Variants in ARID4B observed in about 807,000 individuals in gnomAD.
The protein encoded by ARID4B is AT-rich interaction domain 4B.
A neutral mutation model predicts 147.5 loss-of-function variants in ARID4B; 26 were observed. The observed-to-expected ratio is 0.18, with a 90% CI of 0.13 to 0.24. The LOEUF is 0.24. Among genes scored for constraint, ARID4B ranks in the 10% least tolerant of loss-of-function variants. The probability of loss-of-function intolerance (pLI) is 1.00; values close to 1 mark genes in which losing one functional copy is unlikely to be tolerated. For missense variants in ARID4B, 1,179 were observed against 1,511.5 expected (o/e 0.78, Z 3.65); for synonymous variants, 512 against 507.9 (o/e 1.01, Z -0.11).
rs539055487 is a variant in ARID4B at position 235,185,881 on chromosome 1, C to T, written c.2126-3088G>A. On this transcript the variant is annotated intron_variant, in intron 19 of 23. Coordinates refer to ENST00000264183, the MANE Select transcript of ARID4B (RefSeq NM_016374.6). ...TTTATAATTTCATAATGATGTACTACGGTATGACTCTATTAATTTATTCGG... is the reference window on the plus strand; with the variant it reads ...TTTATAATTTCATAATGATGTACTATGGTATGACTCTATTAATTTATTCGG... Among the ~76,000 whole-genome samples, 23 of 150,372 alleles carry T rather than the reference C, an allele frequency of 1.5e-4. No individual in the cohort carries two copies. In the South Asian group the frequency reaches 2.3e-3, roughly 15 times the overall value.
intron 2 of ARID4B, among the ~76,000 whole-genome samples, chr1:235,281,192 G>C (rs1019603191): frequency 6.6e-6 from 1 of 152,118 alleles, no homozygotes; most frequent in Non-Finnish European, 1.5e-5. Context: ...AGGCCAAGGC[G>C]GGTGGATCAC....
chr1:235,316,615 G>C (rs957196838), intron 2 of ARID4B, among the ~76,000 whole-genome samples: 2 of 150,686 alleles, frequency 1.3e-5, no homozygotes, highest in African/African-American at 4.9e-5. Flanking sequence ...TCTGGAGTTC[G>C]AGAGACCAGC....
At chr1:235,209,517 A>G (rs1666553138) in intron 17 of ARID4B, among the ~76,000 whole-genome samples, 1 of 152,122 alleles carries the variant, frequency 6.6e-6, no homozygotes, top group Admixed American at 6.6e-5. Flanking sequence ...TTAGAAAAAA[A>G]AGAAAAATGT....
Position 235,196,024 on chromosome 1 carries a change from C to CACT in ARID4B, c.1926+4_1926+6dup, listed in dbSNP as rs1233089480. 1 of 1,570,340 alleles carries CACT rather than the reference C, an allele frequency of 6.4e-7. No homozygotes were observed. The highest frequency in any genetic ancestry group is 1.8e-5 in the Admixed American group (1 of 54,752). ...GCTAATAGTGTGTAGTAAAAACAAG[C>CACT]ACTTACCTTTATTTTCTTCCGATGT... On this transcript the variant is annotated splice_region_variant and intron_variant, in intron 18 of 23. Transcript: ENST00000264183.
chr1:235,295,372 T>C (rs1053450070), intron 2 of ARID4B, among the ~76,000 whole-genome samples: 1 of 151,780 alleles, frequency 6.6e-6, no homozygotes, highest in Admixed American at 6.6e-5. Flanking sequence ...TAGCCAGGCA[T>C]GGTGGCACGT....
chr1:235,205,577 G>C (rs1323043097), intron 17 of ARID4B, among the ~76,000 whole-genome samples: 1 of 152,086 alleles, frequency 6.6e-6, no homozygotes, highest in Non-Finnish European at 1.5e-5. Flanking sequence ...TGTTTCTTTG[G>C]AAATAACATC....
At chr1:235,171,466 A>G (rs917375426) in intron 23 of ARID4B, among the ~76,000 whole-genome samples, 2 of 152,122 alleles carry the variant, frequency 1.3e-5, no homozygotes, top group Non-Finnish European at 2.9e-5. Flanking sequence ...TTTGATTTGC[A>G]TTTCTTTGGT....
intron 2 of ARID4B, among the ~76,000 whole-genome samples, chr1:235,293,626 T>C (rs531646854): frequency 2.7e-5 from 4 of 147,820 alleles, no homozygotes; most frequent in Admixed American, 6.9e-5. Context: ...TTTAACTATA[T>C]AGAATATTCT....
chr1:235,168,691 A>C, intron 23 of ARID4B, 39 bp from the exon 24 acceptor site: 1 of 1,590,876 alleles, frequency 6.3e-7, no homozygotes. Flanking sequence ...CTTAATAAAA[A>C]TTTATGTCTA....
At chr1:235,275,016 T>C (rs975897791) in intron 2 of ARID4B, among the ~76,000 whole-genome samples, 3 of 151,940 alleles carry the variant, frequency 2.0e-5, no homozygotes, top group Non-Finnish European at 4.4e-5. Context: ...TGTGTGTGTG[T>C]GTGTGTGCAC....
intron 2 of ARID4B, among the ~76,000 whole-genome samples, chr1:235,297,669 G>A (rs13374466): frequency 0.04 from 6,060 of 151,984 alleles, 450 homozygotes; most frequent in African/African-American, 0.14. Flanking sequence ...CCTCATGATG[G>A]TAACTAATAG....
intron 7 of ARID4B, among the ~76,000 whole-genome samples, chr1:235,244,117 G>C (rs538397493): frequency 6.6e-6 from 1 of 152,274 alleles, no homozygotes; most frequent in South Asian, 2.1e-4. Flanking sequence ...CTGCAGGCCT[G>C]TATTTAAATA....
chr1:235,321,012 T>C (rs941591211), intron 2 of ARID4B, among the ~76,000 whole-genome samples: 2 of 152,184 alleles, frequency 1.3e-5, no homozygotes, highest in African/African-American at 4.8e-5. Context: ...TCCACCATAG[T>C]AGAAAGTAAA....
intron 16 of ARID4B, among the ~76,000 whole-genome samples, chr1:235,217,944 C>A (rs2103018174): frequency 6.6e-6 from 1 of 152,238 alleles, no homozygotes; most frequent in East Asian, 1.9e-4. Flanking sequence ...TTTTCCTATA[C>A]ATACATACCT....
intron 2 of ARID4B, among the ~76,000 whole-genome samples, chr1:235,293,823 T>C (rs892086312): frequency 6.6e-6 from 1 of 152,048 alleles, no homozygotes; most frequent in African/African-American, 2.4e-5. Flanking sequence ...AAAATATATA[T>C]ATACCAGACT....
chr1:235,294,660 T>C (rs1672569820), intron 2 of ARID4B, among the ~76,000 whole-genome samples: 1 of 150,008 alleles, frequency 6.7e-6, no homozygotes, highest in African/African-American at 2.4e-5. Context: ...TTACAGGCGC[T>C]TGCTACCACA....
chr1:235,324,429 T>C (rs958677324), intron 2 of ARID4B, among the ~76,000 whole-genome samples: 3 of 152,232 alleles, frequency 2.0e-5, no homozygotes, highest in African/African-American at 7.2e-5. Flanking sequence ...TGCTAAAACA[T>C]ACAACACTTC....
Position 235,255,768 on chromosome 1 carries a change from ATGTTAGAAAAACTT to A in ARID4B, c.184-32_184-19del. On this transcript the variant is annotated intron_variant, in intron 4 of 23. Coordinates refer to ENST00000264183, the MANE Select transcript of ARID4B (RefSeq NM_016374.6). ...GCTCCTACCTAAAGTATTTTTAAAC[ATGTTAGAAAAACTT>A]TTAAAAGGTAAATTAACAAACCAAA... 13 of 1,568,198 alleles carry A rather than the reference ATGTTAGAAAAACTT, an allele frequency of 8.3e-6. No individual in the cohort carries two copies. Among genetic ancestry groups the A allele is most frequent in the Non-Finnish European group, 1.1e-5 (13 of 1,151,540 alleles).
At chr1:235,193,047 T>G (rs570482491) in intron 19 of ARID4B, among the ~76,000 whole-genome samples, 1 of 151,782 alleles carries the variant, frequency 6.6e-6, no homozygotes, top group African/African-American at 2.4e-5. Context: ...TGAGCTGAGA[T>G]TGCGCCACTG....
Sources: allele counts gnomAD v4.1 joint callset (sites outside exome capture counted in the v4.1 genomes callset), GRCh38; gene constraint gnomAD v4.1.1; transcripts MANE v1.5; gene names NCBI Gene and HGNC (gene_info 2026-07-23, HGNC 2026-07-21).